The following RPGRIP1L variants were observed in gnomAD, a reference collection of about 807,000 sequenced individuals.
RPGRIP1L encodes RPGRIP1 like, also known as protein fantom.
Under a neutral mutation model 160.4 loss-of-function variants are expected in RPGRIP1L, and 131 were observed. The observed-to-expected ratio is 0.82, with a 90% CI of 0.71 to 0.94. The LOEUF (loss-of-function observed/expected upper bound fraction) is 0.94, where lower values mean the gene tolerates loss of function less well. Among genes scored for constraint, RPGRIP1L ranks in the 40% least tolerant of loss-of-function variants. RPGRIP1L has a pLI of 0.00. For missense variants in RPGRIP1L, 1,522 were observed against 1,535.8 expected (o/e 0.99, Z 0.15); for synonymous variants, 510 against 515.8 (o/e 0.99, Z 0.15).
chr16:53,669,120 G>A (rs138024177), intron 9 of RPGRIP1L, among the ~76,000 whole-genome samples: 1 of 152,138 alleles, frequency 6.6e-6, no homozygotes, highest in Non-Finnish European at 1.5e-5. Flanking sequence ...AACATTAGTT[G>A]TTGGCAATAA....
At chr16:53,681,835 T>A (rs1047987163) in intron 6 of RPGRIP1L, among the ~76,000 whole-genome samples, 5 of 152,222 alleles carry the variant, frequency 3.3e-5, no homozygotes, top group African/African-American at 1.2e-4. Context: ...AGATTACAAC[T>A]ACGTTAGGTT....
At position 53,700,710 on chromosome 16, in the gene RPGRIP1L, GT is replaced by G; in HGVS notation, c.13del (p.Thr5LeufsTer10). The G allele has an allele frequency of 6.2e-7, 1 of 1,613,052 alleles. No homozygotes were observed. The highest frequency in any genetic ancestry group is 8.5e-7 in the Non-Finnish European group (1 of 1,179,450). On this transcript the variant is annotated frameshift_variant, in exon 2 of 27. Transcript: ENST00000647211. LOFTEE classifies it high-confidence loss of function. ...AGGCAAGTCTCCTGCAGTCTCATCA[GT>G]TGGACCAGACATGGCCTAGCTGTGG... MSGP[T>X]DETAGDLPVK...
chr16:53,688,774 T>C (rs1197245451), intron 4 of RPGRIP1L, among the ~76,000 whole-genome samples: 1 of 151,946 alleles, frequency 6.6e-6, no homozygotes, highest in Non-Finnish European at 1.5e-5. Flanking sequence ...AAAGAGAAAA[T>C]TTAAATAAAG....
chr16:53,661,367 G>A (rs1246346467), intron 10 of RPGRIP1L, among the ~76,000 whole-genome samples: 1 of 151,706 alleles, frequency 6.6e-6, no homozygotes, highest in African/African-American at 2.4e-5. Context: ...TTAAATACTT[G>A]TCTTTAAACT....
At chr16:53,603,588 C>T (rs1963496238) in intron 26 of RPGRIP1L, among the ~76,000 whole-genome samples, 1 of 152,166 alleles carries the variant, frequency 6.6e-6, no homozygotes, top group Admixed American at 6.5e-5. Context: ...GCCTTGGTCT[C>T]CCAAAGTGCT....
At chr16:53,672,474 A>G (rs1373701517) in intron 8 of RPGRIP1L, among the ~76,000 whole-genome samples, 1 of 152,202 alleles carries the variant, frequency 6.6e-6, no homozygotes, top group East Asian at 1.9e-4. Context: ...TAATTTCACA[A>G]AATTACTGAT....
chr16:53,673,488 A>G (rs1370274857), intron 7 of RPGRIP1L, among the ~76,000 whole-genome samples: 1 of 145,946 alleles, frequency 6.9e-6, no homozygotes, highest in Non-Finnish European at 1.5e-5. Flanking sequence ...ATTAAGTTAA[A>G]ATTTCCAATT....
chr16:53,676,541 T>C (rs1969187255), intron 6 of RPGRIP1L, among the ~76,000 whole-genome samples: 1 of 152,186 alleles, frequency 6.6e-6, no homozygotes, highest in Non-Finnish European at 1.5e-5. Flanking sequence ...TATTGATATG[T>C]AAGGACAGAA....
chr16:53,671,398 A>T, intron 9 of RPGRIP1L, 112 bp downstream of exon 9: 1 of 718,370 alleles, frequency 1.4e-6, no homozygotes. Flanking sequence ...ATTTCTTGCT[A>T]TCATTTGTTG....
At chr16:53,649,786 C>A (rs1004451327) in intron 15 of RPGRIP1L, among the ~76,000 whole-genome samples, 15 of 152,154 alleles carry the variant, frequency 9.9e-5, no homozygotes, top group Non-Finnish European at 1.5e-5. Flanking sequence ...CATCGTATGT[C>A]CTTGTTAGGG....
intron 3 of RPGRIP1L, chr16:53,694,905 G>A (rs1165706506): frequency 1.9e-5 from 3 of 159,118 alleles, no homozygotes; most frequent in African/African-American, 7.2e-5. Context: ...TAGAGCTTTT[G>A]GGTCATAGTG....
At chr16:53,652,437 C>A (rs978167530) in intron 15 of RPGRIP1L, 98 bp downstream of exon 15, 13 of 950,952 alleles carry the variant, frequency 1.4e-5, no homozygotes, top group Non-Finnish European at 2.2e-5. Context: ...TCTAAAGGCA[C>A]CTTTAATATA....
At chr16:53,698,948 C>T (rs371133025) in intron 2 of RPGRIP1L, among the ~76,000 whole-genome samples, 2 of 151,616 alleles carry the variant, frequency 1.3e-5, no homozygotes, top group African/African-American at 2.4e-5. Context: ...GAATAGAAAG[C>T]GGGGAAAGGT....
At chr16:53,668,225 A>C (rs982580344) in intron 9 of RPGRIP1L, among the ~76,000 whole-genome samples, 32 of 152,296 alleles carry the variant, frequency 2.1e-4, no homozygotes, top group African/African-American at 7.2e-4. Flanking sequence ...TGATCACATG[A>C]GATTTTATGG....
chr16:53,613,675 G>A (rs2150947742), intron 24 of RPGRIP1L, among the ~76,000 whole-genome samples: 1 of 152,204 alleles, frequency 6.6e-6, no homozygotes, highest in Middle Eastern at 3.4e-3. Flanking sequence ...TTAAAAAGTG[G>A]TGTCGTTGGG....
chr16:53,689,673 C>T lies in RPGRIP1L; in HGVS notation c.530-1708G>A, dbSNP rs115921249. 2.3e-3 allele frequency among the ~76,000 whole-genome samples: 352 copies of T among 152,274 alleles called. 2 individuals carry two copies. The highest frequency in any genetic ancestry group is 7.8e-3 in the African/African-American group (323 of 41,562). On this transcript the variant is annotated intron_variant, in intron 4 of 26. Coordinates refer to ENST00000647211, the MANE Select transcript of RPGRIP1L (RefSeq NM_015272.5). ...TTTTAGGGTTCTTAGCCAGCCATCC[C>T]AGGCTGAGATATTTTCCTGACAAGT...
chr16:53,680,230 G>A (rs1969502495), intron 6 of RPGRIP1L, among the ~76,000 whole-genome samples: 1 of 152,044 alleles, frequency 6.6e-6, no homozygotes, highest in African/African-American at 2.4e-5. Flanking sequence ...ATTTTCATTG[G>A]GTGAATTCTA....
chr16:53,622,465 C>T (rs890646002), intron 22 of RPGRIP1L, 109 bp from the exon 23 acceptor site: 1 of 527,756 alleles, frequency 1.9e-6, no homozygotes, highest in Non-Finnish European at 3.4e-6. Context: ...CTCCTCTCCC[C>T]CAATCCTATT....
chr16:53,648,619 C>T (rs943542909), intron 16 of RPGRIP1L, among the ~76,000 whole-genome samples: 22 of 83,380 alleles, frequency 2.6e-4, no homozygotes, highest in South Asian at 1.8e-3. Flanking sequence ...CGCGTGCGCG[C>T]GCGCGCGCAC....
Sources: allele counts gnomAD v4.1 joint callset (sites outside exome capture counted in the v4.1 genomes callset), GRCh38; gene constraint gnomAD v4.1.1; transcripts MANE v1.5; gene names NCBI Gene and HGNC (gene_info 2026-07-23, HGNC 2026-07-21).